TMEM132D: variants seen among roughly 807,000 people sequenced by gnomAD.
The protein encoded by TMEM132D is mature OL transmembrane protein.
In TMEM132D, 21 loss-of-function variants were observed where a neutral mutation model predicts 62.3. That is an observed-to-expected ratio of 0.34 (90% CI 0.24 to 0.49). The LOEUF is 0.49. Ranked by LOEUF, TMEM132D falls within the 20% of genes least tolerant of loss-of-function variation. TMEM132D has a pLI of 0.99. For missense variants in TMEM132D, 1,346 were observed against 1,402.8 expected (o/e 0.96, Z 0.65); for synonymous variants, 621 against 575.6 (o/e 1.08, Z -1.13).
At chr12:129,499,460 T>C (rs1383801228) in intron 3 of TMEM132D, among the ~76,000 whole-genome samples, 2 of 152,220 alleles carry the variant, frequency 1.3e-5, no homozygotes, top group African/African-American at 4.8e-5. Context: ...AGAAATGTGA[T>C]ATTCTACCAG....
In TMEM132D at chr12:129,750,521, G is replaced by T. The variant is rs183506664; in HGVS notation, c.80-49823C>A. Among the ~76,000 whole-genome samples, 663 of 152,294 alleles carry T rather than the reference G, an allele frequency of 4.4e-3. 5 individuals carry two copies. Among genetic ancestry groups the T allele is most frequent in the African/African-American group, 0.015 (638 of 41,550 alleles). ...ATTAATATGGTGAAAGACTATGATG[G>T]ACCAACATTGCAGAATTACAGTATT... On this transcript the variant is annotated intron_variant, in intron 1 of 8. Transcript: ENST00000422113.
At chr12:129,849,741 C>T (rs1205676263) in intron 1 of TMEM132D, among the ~76,000 whole-genome samples, 3 of 152,202 alleles carry the variant, frequency 2.0e-5, no homozygotes, top group African/African-American at 4.8e-5. Flanking sequence ...CATACACATT[C>T]TCTCCTCTGA....
chr12:129,861,306 C>T (rs1413004019), intron 1 of TMEM132D, among the ~76,000 whole-genome samples: 1 of 152,206 alleles, frequency 6.6e-6, no homozygotes, highest in East Asian at 1.9e-4. Flanking sequence ...CCCTTGGTTA[C>T]TCCTGGGCTT....
At chr12:129,356,627 G>A (rs1456987944) in intron 3 of TMEM132D, among the ~76,000 whole-genome samples, 6 of 148,440 alleles carry the variant, frequency 4.0e-5, no homozygotes, top group East Asian at 2.1e-4. Context: ...AGACTATTCC[G>A]GACAACATGG....
At chr12:129,731,282 C>T (rs56344226) in intron 1 of TMEM132D, among the ~76,000 whole-genome samples, 3,528 of 152,228 alleles carry the variant, frequency 0.023, 61 homozygotes, top group Admixed American at 0.055. Context: ...CACACGATTA[C>T]TGCCCTCTCG....
At chr12:129,461,288 G>A (rs149240025) in intron 3 of TMEM132D, among the ~76,000 whole-genome samples, 114 of 152,232 alleles carry the variant, frequency 7.5e-4, no homozygotes, top group Admixed American at 3.6e-3. Flanking sequence ...CCCAGAAAGG[G>A]GACTCTGGGA....
At chr12:129,114,579 C>T (rs1875834038) in intron 5 of TMEM132D, among the ~76,000 whole-genome samples, 2 of 152,158 alleles carry the variant, frequency 1.3e-5, no homozygotes, top group African/African-American at 4.8e-5. Flanking sequence ...AGCTCAATGA[C>T]ATTTCATGAA....
At chr12:129,155,791 A>G (rs1007482418) in intron 5 of TMEM132D, among the ~76,000 whole-genome samples, 2 of 151,892 alleles carry the variant, frequency 1.3e-5, no homozygotes, top group Non-Finnish European at 2.9e-5. Context: ...TGCCTATGAT[A>G]ACCCACTCCA....
chr12:129,473,324 G>GTTTTTTTTTTTTTTTT (rs751523415), intron 3 of TMEM132D, among the ~76,000 whole-genome samples: 24 of 81,552 alleles, frequency 2.9e-4, no homozygotes, highest in Non-Finnish European at 4.3e-4. Flanking sequence ...TTTAGTTTTT[G>GTTTTTTTTTTTTTTTT]TTTTTTTTTT....
At chr12:129,089,988 C>A (rs10847758) in intron 5 of TMEM132D, among the ~76,000 whole-genome samples, 46,936 of 152,162 alleles carry the variant, frequency 0.31, 8,789 homozygotes, top group East Asian at 0.61. Flanking sequence ...AAAAGCACAG[C>A]AGAAATGACT....
At chr12:129,082,352 T>C (rs2135617434) in intron 6 of TMEM132D, among the ~76,000 whole-genome samples, 1 of 152,294 alleles carries the variant, frequency 6.6e-6, no homozygotes, top group East Asian at 1.9e-4. Flanking sequence ...AATGAAAAAG[T>C]TATGGCAAAA....
rs762294382 is a variant in TMEM132D, at chr12:129,074,455, A to G, written c.2720T>C (p.Met907Thr). Residue 907 changes from methionine to threonine, a missense_variant, in exon 9 of 9, where the codon ATG becomes ACG. Transcript: ENST00000422113. ...GTCGCTCAGCCCTTTGGATGCCTGC[A>G]TAAGGTCATTCCCATCCATTTCCCC... is the stretch of plus-strand genomic sequence containing the variant. ...SNGEMDGNDL[M>T]QASKGLSDLE... 1.9e-6 allele frequency: 3 copies of G among 1,614,188 alleles called. No homozygotes were observed. Among genetic ancestry groups the G allele is most frequent in the Non-Finnish European group, 2.5e-6 (3 of 1,180,032 alleles).
At chr12:129,092,354 GT>G (rs1394511501) in intron 5 of TMEM132D, among the ~76,000 whole-genome samples, 1 of 101,424 alleles carries the variant, frequency 9.9e-6, no homozygotes, top group Middle Eastern at 6.0e-3. Context: ...TTGAAATTCT[GT>G]CTTTTTTTCC....
chr12:129,412,790 T>A (rs1360953658), intron 3 of TMEM132D, among the ~76,000 whole-genome samples: 1 of 151,844 alleles, frequency 6.6e-6, no homozygotes, highest in Admixed American at 6.6e-5. Context: ...GAGGCAGAGG[T>A]TGCAGTGAGC....
intron 2 of TMEM132D, among the ~76,000 whole-genome samples, chr12:129,559,686 TTATTAAAAGTC>T (rs1256190257): frequency 1.3e-5 from 2 of 152,234 alleles, no homozygotes; most frequent in Non-Finnish European, 2.9e-5. Flanking sequence ...TCAGAAGTGT[TTATTAAAAGTC>T]CTTCTACCTT....
At chr12:129,740,937 T>C (rs1457798003) in intron 1 of TMEM132D, among the ~76,000 whole-genome samples, 1 of 152,210 alleles carries the variant, frequency 6.6e-6, no homozygotes, top group Non-Finnish European at 1.5e-5. Context: ...AATTTAATTA[T>C]GACATTAAAG....
chr12:129,122,749 C>G (rs1004653075), intron 5 of TMEM132D, among the ~76,000 whole-genome samples: 1 of 152,236 alleles, frequency 6.6e-6, no homozygotes, highest in South Asian at 2.1e-4. Flanking sequence ...ATGTACCCTA[C>G]ATTTTCTTTT....
intron 1 of TMEM132D, among the ~76,000 whole-genome samples, chr12:129,875,819 A>C (rs1003799294): frequency 1.3e-5 from 2 of 152,202 alleles, no homozygotes; most frequent in African/African-American, 4.8e-5. Flanking sequence ...TGATTTAAAA[A>C]ATGTTGACAA....
chr12:129,274,191 G>A (rs1370313841), intron 4 of TMEM132D, among the ~76,000 whole-genome samples: 1 of 151,834 alleles, frequency 6.6e-6, no homozygotes, highest in African/African-American at 2.4e-5. Context: ...TGTTCCCCCT[G>A]TGTCTCCATC....
Sources: allele counts gnomAD v4.1 joint callset (sites outside exome capture counted in the v4.1 genomes callset), GRCh38; gene constraint gnomAD v4.1.1; transcripts MANE v1.5; gene names NCBI Gene and HGNC (gene_info 2026-07-23, HGNC 2026-07-21).